ZNF385D: variants seen among roughly 807,000 people sequenced by gnomAD.
ZNF385D encodes zinc finger protein 659.
ZNF385D carries 15 observed loss-of-function variants against 35.8 expected under a neutral mutation model. That is an observed-to-expected ratio of 0.42 (90% CI 0.28 to 0.64). The LOEUF is 0.64. Among genes scored for constraint, ZNF385D ranks in the 30% least tolerant of loss-of-function variants. The pLI, the probability that ZNF385D is intolerant of heterozygous loss-of-function variation, is 0.23. For missense variants in ZNF385D, 474 were observed against 494.6 expected, an observed-to-expected ratio of 0.96 and a Z score of 0.39; for synonymous variants, 212 against 186.8, an observed-to-expected ratio of 1.13 and a Z score of -1.10.
chr3:22,120,702 A>G (rs1271827837), intron 3 of ZNF385D, among the ~76,000 whole-genome samples: 2 of 152,174 alleles, frequency 1.3e-5, no homozygotes, highest in East Asian at 3.9e-4. Flanking sequence ...AATACAATCT[A>G]GCTTATAGTG....
At chr3:21,581,392 A>T (rs1422196783) in intron 2 of ZNF385D, among the ~76,000 whole-genome samples, 1 of 152,118 alleles carries the variant, frequency 6.6e-6, no homozygotes, top group Non-Finnish European at 1.5e-5. Flanking sequence ...GCCTCATAGC[A>T]CCCTATAAAT....
intron 1 of ZNF385D, among the ~76,000 whole-genome samples, chr3:21,734,496 A>C (rs1249741808): frequency 6.6e-6 from 1 of 152,136 alleles, no homozygotes; most frequent in African/African-American, 2.4e-5. Flanking sequence ...AGAGACTAAC[A>C]GTGAATAAAA....
chr3:21,601,484 T>C (rs899137119), intron 2 of ZNF385D, among the ~76,000 whole-genome samples: 1 of 152,170 alleles, frequency 6.6e-6, no homozygotes, highest in Non-Finnish European at 1.5e-5. Flanking sequence ...AGAAAATCCC[T>C]GGGGATGAGG....
At chr3:21,750,811 T>C (rs2125555751) in intron 1 of ZNF385D, 84 bp downstream of exon 1, 3 of 1,566,764 alleles carry the variant, frequency 1.9e-6, no homozygotes, top group South Asian at 2.2e-5. Context: ...ATATTCTTGC[T>C]GCTTAAAGAA....
intron 3 of ZNF385D, among the ~76,000 whole-genome samples, chr3:22,083,163 G>C (rs1018558479): frequency 6.6e-6 from 1 of 152,170 alleles, no homozygotes; most frequent in African/African-American, 2.4e-5. Flanking sequence ...AAACCAAAGC[G>C]CCTCTTCTTC....
At chr3:22,089,983 C>T (rs184009052) in intron 3 of ZNF385D, among the ~76,000 whole-genome samples, 15 of 152,094 alleles carry the variant, frequency 9.9e-5, no homozygotes, top group East Asian at 3.9e-4. Flanking sequence ...GGACTACAGG[C>T]GCGTGCCACC....
At chr3:22,094,999 C>T (rs1188502327) in intron 3 of ZNF385D, among the ~76,000 whole-genome samples, 1 of 151,900 alleles carries the variant, frequency 6.6e-6, no homozygotes, top group South Asian at 2.1e-4. Flanking sequence ...CCTTAAACTC[C>T]TGGGTTCAAG....
At chr3:21,545,732 G>A (rs2062349071) in intron 3 of ZNF385D, among the ~76,000 whole-genome samples, 1 of 152,206 alleles carries the variant, frequency 6.6e-6, no homozygotes, top group Admixed American at 6.5e-5. Flanking sequence ...GCCGATAAAA[G>A]CTCCATGGGA....
chr3:22,048,027 G>A (rs952071932), intron 3 of ZNF385D, among the ~76,000 whole-genome samples: 3 of 151,976 alleles, frequency 2.0e-5, no homozygotes, highest in South Asian at 4.2e-4. Context: ...TTTACTTGTG[G>A]TCATTTCTAT....
intron 2 of ZNF385D, among the ~76,000 whole-genome samples, chr3:22,235,136 T>A (rs1192181484): frequency 6.6e-6 from 1 of 152,082 alleles, no homozygotes; most frequent in Non-Finnish European, 1.5e-5. Flanking sequence ...TGTGTGTGTG[T>A]GCAGCAAAGA....
Position 22,029,245 on chromosome 3 carries a change from TCA to T in ZNF385D, c.325+139570_325+139571del, listed in dbSNP as rs1465538925. On this transcript the variant is annotated intron_variant, in intron 3 of 5. Transcript: ENST00000494108. ...TGGTTTGGGTGACTTACTTGCACTA[TCA>T]AGATGAAATTAATCTATTACTCCAG... is the stretch of plus-strand genomic sequence containing the variant. Among the ~76,000 whole-genome samples the T allele has an allele frequency of 4.7e-4, 72 of 152,264 alleles. 2 individuals carry two copies. In the East Asian group the frequency reaches 0.013, roughly 27 times the overall value.
At chr3:21,681,298 TA>T (rs55872870) in intron 1 of ZNF385D, among the ~76,000 whole-genome samples, 912 of 64,448 alleles carry the variant, frequency 0.014, 21 homozygotes, top group African/African-American at 0.049. Flanking sequence ...ATTCCATCAG[TA>T]AAAAAAAAAA....
intron 3 of ZNF385D, among the ~76,000 whole-genome samples, chr3:22,058,880 C>A (rs1699549803): frequency 6.6e-6 from 1 of 152,186 alleles, no homozygotes; most frequent in African/African-American, 2.4e-5. Context: ...TATCCACCTC[C>A]ATAGCAAGAA....
At chr3:21,844,112 C>T (rs373419726) in intron 3 of ZNF385D, among the ~76,000 whole-genome samples, 13 of 152,000 alleles carry the variant, frequency 8.6e-5, no homozygotes, top group South Asian at 2.1e-4. Flanking sequence ...ATATATTTTA[C>T]GGGATTTTCA....
rs775167999 is a variant in ZNF385D at position 21,509,399 on chromosome 3, A to C, written c.439+1462T>G. Among the ~76,000 whole-genome samples the C allele has an allele frequency of 2.6e-5, 4 of 152,104 alleles. No homozygotes were observed. The East Asian group carries it at 7.7e-4, about 29-fold the overall frequency. ...CCCAATATCCGGGAGCAGAAATTAC[A>C]CTTACCTGCTTCATTACCACTCATT... is the stretch of plus-strand genomic sequence containing the variant. On this transcript the variant is annotated intron_variant, in intron 4 of 7. Coordinates refer to ENST00000281523, the MANE Select transcript of ZNF385D (RefSeq NM_024697.3).
At chr3:21,755,738 G>A (rs968652480), upstream of ZNF385D, among the ~76,000 whole-genome samples, 19 of 152,000 alleles carry the variant, frequency 1.3e-4, no homozygotes, top group African/African-American at 3.4e-4. Context: ...CAAATCCATC[G>A]TTTAATGAAC....
intron 1 of ZNF385D, among the ~76,000 whole-genome samples, chr3:21,705,292 A>T (rs556693392): frequency 1.6e-4 from 25 of 152,352 alleles, no homozygotes; most frequent in Middle Eastern, 3.4e-3. Flanking sequence ...CTTAGTAAAT[A>T]TCAATACCCT....
chr3:22,307,304 T>C (rs144991462), intron 2 of ZNF385D, among the ~76,000 whole-genome samples: 4 of 152,144 alleles, frequency 2.6e-5, no homozygotes, highest in African/African-American at 9.7e-5. Context: ...AGAGTCATAA[T>C]GGAGAAATCT....
intron 2 of ZNF385D, among the ~76,000 whole-genome samples, chr3:22,196,658 C>A (rs1427602966): frequency 1.3e-5 from 2 of 151,956 alleles, no homozygotes; most frequent in Non-Finnish European, 2.9e-5. Flanking sequence ...TTGGAAAATT[C>A]CAGAACCTTT....
Sources: gnomAD v4.1 joint callset for allele counts (sites outside exome capture counted in the v4.1 genomes callset) on GRCh38, gnomAD v4.1.1 for gene constraint, MANE v1.5 for transcripts, NCBI Gene and HGNC (gene_info 2026-07-23, HGNC 2026-07-21) for gene names.